The following ITGBL1 variants were observed in gnomAD, a reference collection of about 807,000 sequenced individuals.
ITGBL1 encodes the protein integrin beta-like protein 1.
A neutral mutation model predicts 68.5 loss-of-function variants in ITGBL1; 51 were observed. That is an observed-to-expected ratio of 0.74 (90% confidence interval 0.59 to 0.94). The LOEUF is 0.94. Ranked by LOEUF, ITGBL1 falls within the 40% of genes least tolerant of loss-of-function variation. The pLI is 0.00. For synonymous variants in ITGBL1, 209 were observed against 227.3 expected (o/e 0.92, Z 0.72); for missense variants, 649 against 647.4 (o/e 1.00, Z -0.03).
chr13:101,491,673 T>C (rs1594843406), intron 2 of ITGBL1, among the ~76,000 whole-genome samples: 1 of 152,172 alleles, frequency 6.6e-6, no homozygotes, highest in South Asian at 2.1e-4. Context: ...ATGAGCAGAA[T>C]GTGCAGGTTT....
intron 2 of ITGBL1, among the ~76,000 whole-genome samples, chr13:101,535,696 G>T (rs1405143874): frequency 6.6e-6 from 1 of 151,984 alleles, no homozygotes; most frequent in Non-Finnish European, 1.5e-5. Context: ...CAACAACAAT[G>T]ACAATAACAA....
chr13:101,706,236 A>G (rs1210276595), intron 8 of ITGBL1, among the ~76,000 whole-genome samples: 1 of 152,242 alleles, frequency 6.6e-6, no homozygotes, highest in Non-Finnish European at 1.5e-5. Context: ...AGACACCATT[A>G]CTTCCACTTG....
chr13:101,575,276 C>A, intron 3 of ITGBL1, 148 bp from the exon 4 acceptor site: 2 of 719,868 alleles, frequency 2.8e-6, no homozygotes, highest in South Asian at 1.9e-5. Context: ...GTAGCATGTG[C>A]TTTACCTCAC....
At position 101,621,541 on chromosome 13, in the gene ITGBL1, A is replaced by G. The variant is rs1370647067; in HGVS notation, c.1015+23242A>G. On this transcript the variant is annotated intron_variant, in intron 7 of 10. Transcript: ENST00000376180. ...AAGGGATAAAGAAACTAACCCACCC[A>G]GATTGCTGCTAAGCCTAACATGAGC... 2.0e-5 allele frequency among the ~76,000 whole-genome samples: 3 copies of G among 152,240 alleles called. No individual in the cohort carries two copies. In the East Asian group the frequency reaches 5.8e-4, roughly 29 times the overall value.
chr13:101,677,709 T>C (rs1030972001), intron 7 of ITGBL1, among the ~76,000 whole-genome samples: 3 of 152,218 alleles, frequency 2.0e-5, no homozygotes, highest in Non-Finnish European at 4.4e-5. Flanking sequence ...CTATTTATTA[T>C]AGTATGTTAA....
At chr13:101,462,085 C>G (rs2048325606) in intron 2 of ITGBL1, among the ~76,000 whole-genome samples, 1 of 152,132 alleles carries the variant, frequency 6.6e-6, no homozygotes, top group Non-Finnish European at 1.5e-5. Context: ...TCCCTCTTGT[C>G]TTCTAGAAGC....
chr13:101,703,217 C>T (rs1199718924), intron 8 of ITGBL1, among the ~76,000 whole-genome samples: 1 of 151,678 alleles, frequency 6.6e-6, no homozygotes, highest in African/African-American at 2.4e-5. Context: ...AGAGGAGAGA[C>T]AATGAGTCTC....
chr13:101,464,929 A>T (rs2048363668), intron 2 of ITGBL1, among the ~76,000 whole-genome samples: 1 of 152,174 alleles, frequency 6.6e-6, no homozygotes, highest in Non-Finnish European at 1.5e-5. Context: ...GTTGCTTGGG[A>T]TTGATGCCAC....
At chr13:101,601,595 A>G (rs888913359) in intron 7 of ITGBL1, among the ~76,000 whole-genome samples, 3 of 152,128 alleles carry the variant, frequency 2.0e-5, no homozygotes, top group African/African-American at 7.2e-5. Context: ...TTCCCTCTAC[A>G]CACTGCTTTG....
chr13:101,563,400 A>T (rs2139240740), intron 2 of ITGBL1, among the ~76,000 whole-genome samples: 1 of 151,918 alleles, frequency 6.6e-6, no homozygotes, highest in South Asian at 2.1e-4. Flanking sequence ...ATTTATTTTT[A>T]AGCAGACTGA....
chr13:101,613,548 G>A (rs1023313275), intron 7 of ITGBL1, among the ~76,000 whole-genome samples: 1 of 152,136 alleles, frequency 6.6e-6, no homozygotes, highest in South Asian at 2.1e-4. Flanking sequence ...CCTCTCCCAG[G>A]AAGTCATATT....
intron 2 of ITGBL1, among the ~76,000 whole-genome samples, chr13:101,522,865 A>G (rs941032478): frequency 1.3e-5 from 2 of 152,172 alleles, no homozygotes; most frequent in African/African-American, 4.8e-5. Flanking sequence ...AGAGAGTAGG[A>G]ATGGAATAAA....
intron 2 of ITGBL1, among the ~76,000 whole-genome samples, chr13:101,464,936 C>T (rs907597020): frequency 2.6e-5 from 4 of 152,154 alleles, no homozygotes; most frequent in Non-Finnish European, 4.4e-5. Flanking sequence ...GGGATTGATG[C>T]CACATGTGTA....
At chr13:101,609,805 A>C (rs531668808) in intron 7 of ITGBL1, among the ~76,000 whole-genome samples, 2 of 152,164 alleles carry the variant, frequency 1.3e-5, no homozygotes, top group Non-Finnish European at 2.9e-5. Flanking sequence ...AGAAAACTGT[A>C]TTACTACCAA....
chr13:101,575,632 T>C (rs560661628), intron 4 of ITGBL1, 86 bp downstream of exon 4: 10 of 1,317,708 alleles, frequency 7.6e-6, no homozygotes, highest in African/African-American at 1.5e-5. Context: ...CATAAGTTTC[T>C]GCTCTAGGTG....
At chr13:101,529,986 C>A (rs144025517) in intron 2 of ITGBL1, among the ~76,000 whole-genome samples, 409 of 152,124 alleles carry the variant, frequency 2.7e-3, no homozygotes, top group Non-Finnish European at 4.5e-3. Context: ...AAATCACCTT[C>A]CAGTATAAAA....
At position 101,519,638 on chromosome 13, in the gene ITGBL1, C is replaced by T. The variant is rs376405375; in HGVS notation, c.317-48061C>T. Among the ~76,000 whole-genome samples, 28 of 152,170 alleles carry T rather than the reference C, an allele frequency of 1.8e-4. No individual in the cohort carries two copies. The East Asian group carries it at 5.0e-3, about 27-fold the overall frequency. On this transcript the variant is annotated intron_variant, in intron 2 of 10. Transcript: ENST00000376180. ...AATCTGAGTAAATGCATGCGTTTTT[C>T]CTTCTTAAATGCAAACAGTAAATAA...
At chr13:101,595,814 T>C (rs1404146054) in intron 6 of ITGBL1, among the ~76,000 whole-genome samples, 1 of 152,098 alleles carries the variant, frequency 6.6e-6, no homozygotes, top group Non-Finnish European at 1.5e-5. Context: ...AAAAAGAGAA[T>C]TATATGATCT....
At chr13:101,663,948 C>G (rs114259673) in intron 7 of ITGBL1, among the ~76,000 whole-genome samples, 2,109 of 152,234 alleles carry the variant, frequency 0.014, 53 homozygotes, top group African/African-American at 0.048. Context: ...TTCTCTCTCT[C>G]TCTTGAGAAA....
Sources: allele counts gnomAD v4.1 joint callset (sites outside exome capture counted in the v4.1 genomes callset), GRCh38; gene constraint gnomAD v4.1.1; transcripts MANE v1.5; gene names NCBI Gene and HGNC (gene_info 2026-07-23, HGNC 2026-07-21).